FAM217A: variants seen among roughly 807,000 people sequenced by gnomAD.
The protein encoded by FAM217A is family with sequence similarity 217 member A, also known as protein FAM217A.
FAM217A carries 13 observed loss-of-function variants against 18.5 expected under a neutral mutation model. That is an observed-to-expected ratio of 0.70 (90% CI 0.46 to 1.12). The LOEUF is 1.12. Ranked by LOEUF, FAM217A falls within the 50% of genes most tolerant of loss-of-function variation. The pLI is 0.00. For synonymous variants in FAM217A, 161 were observed against 202.8 expected (o/e 0.79, Z 1.75); for missense variants, 560 against 575.4 (o/e 0.97, Z 0.27).
chr6:4,081,765 G>A (rs940101974), upstream of FAM217A, among the ~76,000 whole-genome samples: 2 of 152,170 alleles, frequency 1.3e-5, no homozygotes, highest in Non-Finnish European at 2.9e-5. Flanking sequence ...TATCTAGCTG[G>A]GAAATGTTCC....
rs747288896 is a variant in FAM217A at position 4,068,906 on chromosome 6, C to T, written c.1317G>A (p.Arg439=). Reference sequence around the variant, plus strand: ...GTATAGGTGAAACTGGCATTGGAGACCTCCATGGCAGACATCTTGTGGAGA... The same window carrying T: ...GTATAGGTGAAACTGGCATTGGAGATCTCCATGGCAGACATCTTGTGGAGA... ...KMVSTRCLPW[R]SPMPVSPIPL... is the part of the protein sequence containing the mutation. Residue 439 remains arginine, a synonymous_variant, in exon 7 of 7, where the codon AGG becomes AGA. Transcript: ENST00000274673. 1 of 1,614,144 alleles carries T rather than the reference C, an allele frequency of 6.2e-7. No homozygotes were observed. Among genetic ancestry groups the T allele is most frequent in the South Asian group, 1.1e-5 (1 of 91,082 alleles).
chr6:4,076,094 C>T (rs552255821), intron 2 of FAM217A, among the ~76,000 whole-genome samples: 3 of 150,714 alleles, frequency 2.0e-5, no homozygotes, highest in Non-Finnish European at 3.0e-5. Context: ...TTTGGGAGGC[C>T]GAGGCGGGCA....
chr6:4,078,111 T>C (rs1769973064), intron 1 of FAM217A, among the ~76,000 whole-genome samples: 1 of 146,550 alleles, frequency 6.8e-6, no homozygotes, highest in Non-Finnish European at 1.5e-5. Flanking sequence ...TGGAGTGCAG[T>C]GGCGCGATCT....
upstream of FAM217A, chr6:4,079,400 C>T (rs1303816494): frequency 1.9e-5 from 6 of 313,028 alleles, no homozygotes; most frequent in Non-Finnish European, 3.8e-5. Flanking sequence ...CCTGAAGGGG[C>T]CGCCCCCGGC....
chr6:4,078,955 C>A lies in FAM217A; in HGVS notation c.-138G>T. 2 of 535,194 alleles carry A rather than the reference C, an allele frequency of 3.7e-6. No individual in the cohort carries two copies. The highest frequency in any genetic ancestry group is 2.4e-5 in the South Asian group (1 of 42,398). 33.2% of individuals were successfully genotyped at this position (535,194 alleles called of 1,614,324 possible). On this transcript the variant is annotated 5_prime_UTR_variant, in exon 1 of 7. Transcript: ENST00000274673. Reference sequence around the variant, plus strand: ...GCTGACGGCTTGGAGGGCGCCCCCTCTGCCGCGGCCTTCCTGCAGCGGGGG... The same window carrying A: ...GCTGACGGCTTGGAGGGCGCCCCCTATGCCGCGGCCTTCCTGCAGCGGGGG...
Position 4,079,121 on chromosome 6 carries a change from C to T in FAM217A, c.-304G>A. 1 of 346,462 alleles carries T rather than the reference C, an allele frequency of 2.9e-6. No homozygotes were observed. The highest frequency in any genetic ancestry group is 5.2e-6 in the Non-Finnish European group (1 of 193,378). The allele number at this position is 346,462 out of a possible 1,614,324, so 21.5% of individuals were successfully genotyped here. ...ACCTTCCGGGGCCGGGGCTGCGGCT[C>T]CGCGGGCTTCCCCACCGGCCGGGTC... On this transcript the variant is annotated 5_prime_UTR_variant, in exon 1 of 7. Transcript: ENST00000274673.
At position 4,072,466 on chromosome 6, in the gene FAM217A, T is replaced by TTA. The variant is rs1554144494; in HGVS notation, c.302+808_302+809insTA. ...TATTCCCAGAACTTAAAAAAGTATT[T>TTA]AAAAAAAAAAAAGCGGCCTGGCATG... is the stretch of plus-strand genomic sequence containing the variant. On this transcript the variant is annotated intron_variant, in intron 6 of 6. Transcript: ENST00000274673. Among the ~76,000 whole-genome samples the TTA allele has an allele frequency of 1.6e-3, 239 of 147,096 alleles. 1 individual carries two copies. Among genetic ancestry groups the TTA allele is most frequent in the African/African-American group, 4.6e-3 (182 of 39,980 alleles).
intron 2 of FAM217A, among the ~76,000 whole-genome samples, chr6:4,075,046 A>G: frequency 6.6e-6 from 1 of 152,198 alleles, no homozygotes; most frequent in East Asian, 1.9e-4. Context: ...AAAAGTCTAT[A>G]AAAAGCCAGG....
At chr6:4,081,777 C>T (rs896005855), upstream of FAM217A, among the ~76,000 whole-genome samples, 4 of 152,232 alleles carry the variant, frequency 2.6e-5, no homozygotes, top group East Asian at 1.9e-4. Context: ...AAATGTTCCC[C>T]GCTCTTGAGA....
At chr6:4,070,720 C>T (rs773271400) in intron 6 of FAM217A, among the ~76,000 whole-genome samples, 1 of 152,096 alleles carries the variant, frequency 6.6e-6, no homozygotes, top group Non-Finnish European at 1.5e-5. Flanking sequence ...AAAATACTTT[C>T]GAGGCCAGGC....
intron 1 of FAM217A, 132 bp downstream of exon 1, chr6:4,078,720 G>A (rs983377075): frequency 1.5e-5 from 6 of 399,090 alleles, no homozygotes. Flanking sequence ...GTGTCTCAAG[G>A]GAGCCGCAAG....
At chr6:4,081,775 C>T (rs1037184864), upstream of FAM217A, among the ~76,000 whole-genome samples, 1 of 152,208 alleles carries the variant, frequency 6.6e-6, no homozygotes, top group African/African-American at 2.4e-5. Context: ...GGAAATGTTC[C>T]CCGCTCTTGA....
At chr6:4,073,901 C>A (rs556855986) in intron 4 of FAM217A, among the ~76,000 whole-genome samples, 1 of 152,124 alleles carries the variant, frequency 6.6e-6, no homozygotes, top group Non-Finnish European at 1.5e-5. Flanking sequence ...GGCTGGAGTA[C>A]GGGGGCACGA....
chr6:4,076,358 A>G (rs1045568815), intron 2 of FAM217A, among the ~76,000 whole-genome samples: 5 of 150,568 alleles, frequency 3.3e-5, no homozygotes. Flanking sequence ...AAAAAGAATG[A>G]GGGTGAGGCC....
chr6:4,071,928 A>G (rs1769441526), intron 6 of FAM217A, among the ~76,000 whole-genome samples: 1 of 152,246 alleles, frequency 6.6e-6, no homozygotes, highest in Non-Finnish European at 1.5e-5. Flanking sequence ...ACACTATGTA[A>G]AAGCTCCACA....
intron 4 of FAM217A, 65 bp downstream of exon 4, chr6:4,074,378 A>C (rs9378395): frequency 0.62 from 860,231 of 1,378,242 alleles, 275,998 homozygotes; most frequent in South Asian, 0.66. Flanking sequence ...AATTTTTTTA[A>C]AGAACATACT....
chr6:4,068,915 C>T lies in FAM217A; in HGVS notation c.1308G>A (p.Leu436=). The T allele has an allele frequency of 6.2e-7, 1 of 1,614,118 alleles. No homozygotes were observed. The highest frequency in any genetic ancestry group is 8.5e-7 in the Non-Finnish European group (1 of 1,180,014). ...AAACTGGCATTGGAGACCTCCATGG[C>T]AGACATCTTGTGGAGACCATTTTAA... is the stretch of plus-strand genomic sequence containing the variant. ...SMVKMVSTRC[L]PWRSPMPVSP... Residue 436 remains leucine, a synonymous_variant, in exon 7 of 7, where the codon CTG becomes CTA. Transcript: ENST00000274673.
At position 4,069,061 on chromosome 6, in the gene FAM217A, T is replaced by A. The variant is rs750578108; in HGVS notation, c.1162A>T (p.Ser388Cys). 10 of 1,613,910 alleles carry A rather than the reference T, an allele frequency of 6.2e-6. No homozygotes were observed. Among genetic ancestry groups the A allele is most frequent in the Non-Finnish European group, 8.5e-7 (1 of 1,179,996 alleles). The change falls in exon 7 of 7, where the codon AGT (serine) becomes TGT (cysteine). Residue 388 changes from serine (S) to cysteine (C), a missense_variant. Transcript: ENST00000274673. ...ATCAATTGTTTTGGGGTGGAAGAAC[T>A]TTTTAGAGACAGTGGTCTAGAATTC... ...RWNSRPLSLK[S>C]SSTPKQLIET...
At chr6:4,079,471 GTCCTGGACCTTCTTCGGCCT>G (rs1770111706), upstream of FAM217A, 2 of 424,520 alleles carry the variant, frequency 4.7e-6, no homozygotes, top group Non-Finnish European at 8.1e-6. Flanking sequence ...TCCCCCAGGC[GTCCTGGACCTTCTTCGGCCT>G]TCCTGGGCCT....
Sources: allele counts gnomAD v4.1 joint callset (sites outside exome capture counted in the v4.1 genomes callset), GRCh38; gene constraint gnomAD v4.1.1; transcripts MANE v1.5; gene names NCBI Gene and HGNC (gene_info 2026-07-23, HGNC 2026-07-21).